Variants in MPRIP observed in about 807,000 individuals in gnomAD.
MPRIP encodes myosin phosphatase Rho interacting protein.
Under a neutral mutation model 234.9 loss-of-function variants are expected in MPRIP, and 59 were observed. That is an observed-to-expected ratio of 0.25 (90% CI 0.20 to 0.31). The LOEUF (loss-of-function observed/expected upper bound fraction) is 0.31, where lower values mean the gene tolerates loss of function less well. MPRIP is among the 10% of genes least tolerant of loss of function. The pLI, the probability that MPRIP is intolerant of heterozygous loss-of-function variation, is 1.00. For missense variants in MPRIP, 2,436 were observed against 3,071.0 expected (o/e 0.79, Z 4.89); for synonymous variants, 1,144 against 1,263.9 (o/e 0.91, Z 2.01).
intron 11 of MPRIP, among the ~76,000 whole-genome samples, chr17:17,149,218 G>A (rs2045543518): frequency 6.6e-6 from 1 of 151,990 alleles, no homozygotes; most frequent in African/African-American, 2.4e-5. Context: ...TGTTGTCCGG[G>A]GGCGGTGGCT....
intron 22 of MPRIP, 147 bp from the exon 23 acceptor site, chr17:17,179,856 G>A (rs2046336212): frequency 1.5e-6 from 1 of 647,638 alleles, no homozygotes; most frequent in Non-Finnish European, 2.7e-6. Flanking sequence ...ATGGTTATTG[G>A]CTTTGAATTC....
chr17:17,171,392 A>G (rs182131844), intron 16 of MPRIP: 26 of 250,528 alleles, frequency 1.0e-4, no homozygotes, highest in Admixed American at 4.0e-4. Flanking sequence ...AGGAAGGTCC[A>G]GGGTTGGCTG....
In MPRIP at chr17:17,187,256, A is replaced by T. The variant is rs1342513395; in HGVS notation, c.*2362A>T. 5 of 152,218 alleles carry T rather than the reference A, an allele frequency of 3.3e-5. No individual in the cohort carries two copies. Among genetic ancestry groups the T allele is most frequent in the African/African-American group, 1.2e-4 (5 of 41,438 alleles). 9.4% of individuals were successfully genotyped at this position (152,218 alleles called of 1,614,324 possible). A position where few individuals can be genotyped will look rare whatever the true frequency, so the allele number is the denominator to read the frequency against. The stretch of plus-strand genomic sequence containing the variant: ...AGGCTGGACTTCAGGAATCCTGGAA[A>T]ATTAATATGAGTGCAGCATGTGAGG... On this transcript the variant is annotated 3_prime_UTR_variant, in exon 24 of 24. Coordinates refer to ENST00000651222, the MANE Select transcript of MPRIP (RefSeq NM_001364716.4).
chr17:17,082,294 T>C lies in MPRIP; in HGVS notation c.267+4218T>C, dbSNP rs574949616. Among the ~76,000 whole-genome samples the C allele has an allele frequency of 5.5e-3, 761 of 137,484 alleles. 6 individuals are homozygous for C. The highest frequency in any genetic ancestry group is 0.01 in the Non-Finnish European group (641 of 64,074). 90.2% of individuals were successfully genotyped at this position (137,484 alleles called of 152,430 possible). A position where few individuals can be genotyped will look rare whatever the true frequency, so the allele number is the denominator to read the frequency against. On this transcript the variant is annotated intron_variant, in intron 3 of 23. Transcript: ENST00000651222. ...TCAAATGCTTTTTCCAATTTTTTTT[T>C]TTTTTTTTTTTTTTTTTTGAGACGG...
chr17:17,174,794 G>A (rs138250035), intron 19 of MPRIP, among the ~76,000 whole-genome samples: 2,810 of 137,818 alleles, frequency 0.02, 81 homozygotes, highest in African/African-American at 0.079. Context: ...GCGAGACTCC[G>A]TCTAAAAAAA....
chr17:17,136,556 G>A (rs2091225949), intron 6 of MPRIP, 106 bp downstream of exon 6: 1 of 1,081,722 alleles, frequency 9.2e-7, no homozygotes, highest in South Asian at 1.6e-5. Flanking sequence ...TCGCAAGCCT[G>A]GACCTCGATT....
At chr17:17,062,623 T>C (rs771863776) in intron 1 of MPRIP, among the ~76,000 whole-genome samples, 3 of 152,190 alleles carry the variant, frequency 2.0e-5, no homozygotes, top group Non-Finnish European at 4.4e-5. Flanking sequence ...AGCGGAGCCA[T>C]GAAGGCCTGC....
chr17:17,114,056 A>AT (rs1373333714), intron 3 of MPRIP, among the ~76,000 whole-genome samples: 8 of 151,558 alleles, frequency 5.3e-5, no homozygotes, highest in African/African-American at 1.9e-4. Flanking sequence ...CTGGCTATTT[A>AT]TTTTTTAATT....
intron 7 of MPRIP, chr17:17,142,245 G>C (rs8077360): frequency 0.15 from 28,074 of 184,228 alleles, 3,172 homozygotes; most frequent in East Asian, 0.33. Context: ...GGGGTGGGGG[G>C]TGCACTGTGA....
chr17:17,084,829 C>T (rs773487117), intron 3 of MPRIP, among the ~76,000 whole-genome samples: 2 of 152,186 alleles, frequency 1.3e-5, no homozygotes, highest in Non-Finnish European at 2.9e-5. Context: ...GTAGGGTCCA[C>T]CTGCCTTCTT....
intron 3 of MPRIP, among the ~76,000 whole-genome samples, chr17:17,111,258 T>C (rs1208182381): frequency 9.3e-6 from 1 of 107,072 alleles, no homozygotes; most frequent in Non-Finnish European, 1.8e-5. Context: ...AAAAGTACCA[T>C]AGAGACTCGA....
At chr17:17,103,640 A>G (rs2090007049) in intron 3 of MPRIP, among the ~76,000 whole-genome samples, 1 of 152,202 alleles carries the variant, frequency 6.6e-6, no homozygotes, top group Non-Finnish European at 1.5e-5. Flanking sequence ...GTGGGTTGTC[A>G]GCATTGATGT....
intron 12 of MPRIP, among the ~76,000 whole-genome samples, chr17:17,150,633 T>A (rs1250454329): frequency 6.7e-6 from 1 of 150,144 alleles, no homozygotes; most frequent in Non-Finnish European, 1.5e-5. Context: ...TTCATTTACT[T>A]ACAAGGCTAT....
chr17:17,054,490 G>A (rs2088634315), intron 1 of MPRIP, among the ~76,000 whole-genome samples: 1 of 152,154 alleles, frequency 6.6e-6, no homozygotes. Context: ...TGGACAGGAC[G>A]CCGTTCCATC....
chr17:17,144,051 C>T (rs950132452), intron 9 of MPRIP, among the ~76,000 whole-genome samples: 4 of 152,228 alleles, frequency 2.6e-5, no homozygotes, highest in Admixed American at 6.5e-5. Context: ...GAGCTTGTCT[C>T]GTTCTCCGTG....
At chr17:17,105,957 G>A (rs892614573) in intron 3 of MPRIP, among the ~76,000 whole-genome samples, 4 of 152,182 alleles carry the variant, frequency 2.6e-5, no homozygotes, top group Non-Finnish European at 2.9e-5. Flanking sequence ...GTGGCAAGCC[G>A]TAAGACAAAA....
At chr17:17,071,238 G>A (rs1323934908) in intron 1 of MPRIP, among the ~76,000 whole-genome samples, 2 of 152,208 alleles carry the variant, frequency 1.3e-5, no homozygotes, top group Non-Finnish European at 1.5e-5. Context: ...CCAGAGTAAG[G>A]CGGTTCTTGT....
At chr17:17,132,758 G>A (rs141256029) in intron 5 of MPRIP, among the ~76,000 whole-genome samples, 2 of 152,056 alleles carry the variant, frequency 1.3e-5, no homozygotes, top group African/African-American at 4.8e-5. Context: ...AGGGAGGCAG[G>A]TGGGGGACAC....
chr17:17,126,631 G>T, intron 3 of MPRIP, 71 bp from the exon 4 acceptor site: 1 of 1,512,742 alleles, frequency 6.6e-7, no homozygotes. Context: ...GGTCAGGAAT[G>T]GCCTGGGGCT....
Sources: gnomAD v4.1 joint callset for allele counts (sites outside exome capture counted in the v4.1 genomes callset) on GRCh38, gnomAD v4.1.1 for gene constraint, MANE v1.5 for transcripts, NCBI Gene and HGNC (gene_info 2026-07-23, HGNC 2026-07-21) for gene names.